Variants in ARHGAP35 observed in about 807,000 individuals in gnomAD.
The protein encoded by ARHGAP35 is rho GTPase-activating protein 35.
In ARHGAP35, 15 loss-of-function variants were observed where a neutral mutation model predicts 111.1. The observed-to-expected ratio is 0.13, with a 90% CI of 0.09 to 0.21. ARHGAP35 has a LOEUF of 0.21. ARHGAP35 is among the 10% of genes least tolerant of loss of function. The probability of loss-of-function intolerance (pLI) is 1.00; values close to 1 mark genes in which losing one functional copy is unlikely to be tolerated. For synonymous variants in ARHGAP35, 643 were observed against 710.3 expected (o/e 0.91, Z 1.51); for missense variants, 1,262 against 1,873.0 (o/e 0.67, Z 6.02).
At chr19:46,879,884 G>C (rs1171924409) in intron 1 of ARHGAP35, among the ~76,000 whole-genome samples, 2 of 150,822 alleles carry the variant, frequency 1.3e-5, no homozygotes, top group African/African-American at 4.9e-5. Flanking sequence ...CCAGAAGTTA[G>C]GGACCAGCCT....
rs995228430 is a variant in ARHGAP35, at chr19:47,001,055, C to G, written c.*367C>G. 2 of 1,344,944 alleles carry G rather than the reference C, an allele frequency of 1.5e-6. No homozygotes were observed. The highest frequency in any genetic ancestry group is 1.9e-6 in the Non-Finnish European group (2 of 1,029,110). 83.3% of individuals were successfully genotyped at this position (1,344,944 alleles called of 1,614,324 possible). A position where few individuals can be genotyped will look rare whatever the true frequency, so the allele number is the denominator to read the frequency against. ...GTCGGGACAGTGCCCTGGCCTTTGC[C>G]GGGGAGGAGGATGCTCTGAGATTCA... is the stretch of plus-strand genomic sequence containing the variant. On this transcript the variant is annotated 3_prime_UTR_variant, in exon 7 of 7. Coordinates refer to ENST00000672722, the MANE Select transcript of ARHGAP35 (RefSeq NM_004491.5). This position sits in a 1 kb window ranked among gnomAD's most constrained non-coding sequence, Gnocchi z 5.4.
chr19:46,871,281 A>G (rs865856306), intron 1 of ARHGAP35, among the ~76,000 whole-genome samples: 1 of 152,216 alleles, frequency 6.6e-6, no homozygotes, highest in Non-Finnish European at 1.5e-5. Flanking sequence ...TGGGACTGGT[A>G]TTGAAATTGC....
rs368624562 is a variant in ARHGAP35, at chr19:46,989,638, C to G, written c.3999C>G (p.Val1333=). The change falls in exon 5 of 7, where the codon GTC becomes GTG. Residue 1333 remains valine, a synonymous_variant. Coordinates refer to ENST00000672722, the MANE Select transcript of ARHGAP35 (RefSeq NM_004491.5). The surrounding 1 kb of genome is among the most constrained non-coding windows in gnomAD (Gnocchi z 5.3). ...SFFSELPDPL[V]PYNMQIDLVE... is the part of the protein sequence containing the mutation. ...TCTCAGAACTGCCTGACCCCCTGGT[C>G]CCGTATAACATGCAGATCGACTTGG... 3 of 1,613,822 alleles carry G rather than the reference C, an allele frequency of 1.9e-6. No individual in the cohort carries two copies. The highest frequency in any genetic ancestry group is 2.5e-6 in the Non-Finnish European group (3 of 1,179,886).
Position 47,000,745 on chromosome 19 carries a change from T to C in ARHGAP35, c.*57T>C. 2 of 1,525,288 alleles carry C rather than the reference T, an allele frequency of 1.3e-6. No individual in the cohort carries two copies. The highest frequency in any genetic ancestry group is 1.7e-4 in the Middle Eastern group (1 of 5,816). The allele number at this position is 1,525,288 out of a possible 1,614,324, so 94.5% of individuals were successfully genotyped here. ...GTCCTCTCTCTGACGGGGTGGCATTTGGCCTTGAACAAAACCAAGTCCACT... is the reference window on the plus strand; with the variant it reads ...GTCCTCTCTCTGACGGGGTGGCATTCGGCCTTGAACAAAACCAAGTCCACT... On this transcript the variant is annotated 3_prime_UTR_variant, in exon 7 of 7. Transcript: ENST00000672722. The surrounding 1 kb of genome is among the most constrained non-coding windows in gnomAD (Gnocchi z 6.9).
chr19:46,899,726 CAAAAAA>C (rs965234366), intron 1 of ARHGAP35, among the ~76,000 whole-genome samples: 1 of 139,006 alleles, frequency 7.2e-6, no homozygotes, highest in Non-Finnish European at 1.6e-5. Flanking sequence ...AAAACAAAAA[CAAAAAA>C]AAAAAGAAGA....
intron 3 of ARHGAP35, among the ~76,000 whole-genome samples, chr19:46,967,863 T>G (rs569993118): frequency 4.6e-5 from 7 of 151,556 alleles, no homozygotes; most frequent in African/African-American, 1.7e-4. Context: ...TGATCTGCTC[T>G]GTGAGCCAGG....
At chr19:46,923,819 G>A (rs2056222101) in intron 2 of ARHGAP35, among the ~76,000 whole-genome samples, 1 of 151,714 alleles carries the variant, frequency 6.6e-6, no homozygotes, top group Non-Finnish European at 1.5e-5. Flanking sequence ...TACTCAGGAG[G>A]CTGAGGCAGG....
rs926629852 is a variant in ARHGAP35 at position 46,909,145 on chromosome 19, T to A, written c.-188-9343T>A. On this transcript the variant is annotated intron_variant, in intron 1 of 6. Transcript: ENST00000672722. ...TGAGACCTCATCTCTACAAAAAAAA[T>A]TTTAAAAATTAGCCGGCCGTGGTGG... 4.0e-5 allele frequency among the ~76,000 whole-genome samples: 6 copies of A among 151,860 alleles called. No homozygotes were observed. In the East Asian group the frequency reaches 5.8e-4, roughly 15 times the overall value.
At chr19:46,938,239 T>C (rs916394553) in intron 3 of ARHGAP35, among the ~76,000 whole-genome samples, 2 of 152,258 alleles carry the variant, frequency 1.3e-5, no homozygotes, top group Non-Finnish European at 2.9e-5. Context: ...GTGGACAGCC[T>C]ACTAGGCTCT....
rs914071077 is a variant in ARHGAP35, at chr19:46,992,817, C to T, written c.4036+3142C>T. On this transcript the variant is annotated intron_variant, in intron 5 of 6. Coordinates refer to ENST00000672722, the MANE Select transcript of ARHGAP35 (RefSeq NM_004491.5). The surrounding 1 kb of genome is among the most constrained non-coding windows in gnomAD (Gnocchi z 4.4). The stretch of plus-strand genomic sequence containing the variant: ...GGTTCAGGATGCCAGCTCATTGTCT[C>T]GGCCTTTCCATTTGACAGATGAGAC... Among the ~76,000 whole-genome samples the T allele has an allele frequency of 2.0e-5, 3 of 152,186 alleles. No homozygotes were observed. Among genetic ancestry groups the T allele is most frequent in the African/African-American group, 4.8e-5 (2 of 41,448 alleles).
At chr19:46,953,474 C>T (rs1057135638) in intron 3 of ARHGAP35, among the ~76,000 whole-genome samples, 1 of 152,090 alleles carries the variant, frequency 6.6e-6, no homozygotes, top group African/African-American at 2.4e-5. Flanking sequence ...GGTTTTTACT[C>T]TGAGTGAGGT....
chr19:46,987,157 G>C (rs1245182723), intron 3 of ARHGAP35, among the ~76,000 whole-genome samples: 2 of 146,202 alleles, frequency 1.4e-5, no homozygotes, highest in Admixed American at 1.4e-4. Flanking sequence ...CCCTGCGCAA[G>C]TTAATTTTCT....
chr19:46,956,419 CTTT>C (rs1276748702), intron 3 of ARHGAP35, among the ~76,000 whole-genome samples: 7 of 138,776 alleles, frequency 5.0e-5, no homozygotes, highest in Admixed American at 7.2e-5. Flanking sequence ...CCCAAGATAT[CTTT>C]TTTTTTTTTT....
rs114993304 is a variant in ARHGAP35 at position 46,993,982 on chromosome 19, C to G, written c.4036+4307C>G. Among the ~76,000 whole-genome samples the G allele has an allele frequency of 6.6e-6, 1 of 152,300 alleles. No individual in the cohort carries two copies. Among genetic ancestry groups the G allele is most frequent in the African/African-American group, 2.4e-5 (1 of 41,564 alleles). On this transcript the variant is annotated intron_variant, in intron 5 of 6. Coordinates refer to ENST00000672722, the MANE Select transcript of ARHGAP35 (RefSeq NM_004491.5). This position sits in a 1 kb window ranked among gnomAD's most constrained non-coding sequence, Gnocchi z 4.6. ...AGTGTCTTGACTCCCAAAGGGCAGGCTGAGGGAGCAGAGGATGTGAGGATC... is the reference window on the plus strand; with the variant it reads ...AGTGTCTTGACTCCCAAAGGGCAGGGTGAGGGAGCAGAGGATGTGAGGATC...
At chr19:46,932,672 G>C (rs561559430) in intron 2 of ARHGAP35, among the ~76,000 whole-genome samples, 2 of 152,314 alleles carry the variant, frequency 1.3e-5, no homozygotes, top group Middle Eastern at 3.4e-3. Context: ...TTTTGCAAGA[G>C]TTCCAATTTT....
intron 1 of ARHGAP35, among the ~76,000 whole-genome samples, chr19:46,862,250 T>G (rs1406992026): frequency 2.0e-5 from 3 of 152,110 alleles, no homozygotes; most frequent in Non-Finnish European, 2.9e-5. Context: ...TGCTATTCAC[T>G]TAAATGATGT....
intron 3 of ARHGAP35, among the ~76,000 whole-genome samples, chr19:46,939,255 G>A (rs545557828): frequency 3.9e-5 from 6 of 151,966 alleles, no homozygotes; most frequent in South Asian, 4.2e-4. Context: ...GATTACAGGC[G>A]TGAGCTACCA....
intron 1 of ARHGAP35, among the ~76,000 whole-genome samples, chr19:46,915,929 C>CTTT (rs869240851): frequency 1.5e-4 from 17 of 113,556 alleles, no homozygotes; most frequent in East Asian, 5.2e-4. Context: ...AATCCAAACT[C>CTTT]TTTTTTTTTT....
intron 2 of ARHGAP35, among the ~76,000 whole-genome samples, chr19:46,927,769 G>A (rs980846800): frequency 1.3e-4 from 20 of 152,136 alleles, no homozygotes; most frequent in Admixed American, 1.2e-3. Flanking sequence ...GGCTCAGAGA[G>A]ATTAAACCTT....
Sources: gnomAD v4.1 joint callset for allele counts (sites outside exome capture counted in the v4.1 genomes callset) on GRCh38, gnomAD v4.1.1 for gene constraint, Gnocchi (gnomAD v3.1) non-coding constraint, MANE v1.5 for transcripts, NCBI Gene and HGNC (gene_info 2026-07-23, HGNC 2026-07-21) for gene names.